Variants in CHD7 observed in about 807,000 individuals in gnomAD.
CHD7 encodes the protein chromodomain helicase DNA binding protein 7, also known as ATP-dependent chromatin remodeler CHD7.
Under a neutral mutation model 307.3 loss-of-function variants are expected in CHD7, and 24 were observed. That is an observed-to-expected ratio of 0.08 (90% confidence interval 0.06 to 0.11). The LOEUF (loss-of-function observed/expected upper bound fraction) is 0.11, where lower values mean the gene tolerates loss of function less well. Among genes scored for constraint, CHD7 ranks in the 10% least tolerant of loss-of-function variants. The pLI is 1.00. For missense variants in CHD7, 3,106 were observed against 3,727.1 expected (o/e 0.83, Z 4.34); for synonymous variants, 1,363 against 1,349.9 (o/e 1.01, Z -0.21).
At chr8:60,691,019 G>A (rs1806167107) in intron 1 of CHD7, among the ~76,000 whole-genome samples, 1 of 152,080 alleles carries the variant, frequency 6.6e-6, no homozygotes, top group Non-Finnish European at 1.5e-5. Flanking sequence ...TCCACCTCCT[G>A]GGTTCAAGCA....
Position 60,742,652 on chromosome 8 carries a change from G to T in CHD7, c.1220G>T (p.Gly407Val), listed in dbSNP as rs767855330. The T allele has an allele frequency of 6.2e-7, 1 of 1,610,720 alleles. No homozygotes were observed. Among genetic ancestry groups the T allele is most frequent in the Non-Finnish European group, 8.5e-7 (1 of 1,177,626 alleles). Residue 407 changes from glycine (G) to valine (V), a missense_variant, in exon 2 of 38, where the codon GGC (glycine) becomes GTC (valine). Physicochemically the swap from Gly to Val is moderately radical, Grantham distance 109. Coordinates refer to ENST00000423902, the MANE Select transcript of CHD7 (RefSeq NM_017780.4). ...SPMKAMSNPA[G>V]TPPPQVRPGS... is the part of the protein sequence containing the mutation. ...ATGAAAGCAATGAGTAATCCAGCAG[G>T]CACTCCTCCTCCACAAGTCAGGCCG...
At position 60,701,448 on chromosome 8, in the gene CHD7, G is replaced by A. The variant is rs564688564; in HGVS notation, c.-175+22366G>A. Among the ~76,000 whole-genome samples, 5 of 152,332 alleles carry A rather than the reference G, an allele frequency of 3.3e-5. No individual in the cohort carries two copies. In the South Asian group the frequency reaches 1.0e-3, roughly 32 times the overall value. On this transcript the variant is annotated intron_variant, in intron 1 of 37. Coordinates refer to ENST00000423902, the MANE Select transcript of CHD7 (RefSeq NM_017780.4). ...TTTTTCTAGCTAGTTATACTTGGAT[G>A]GTTGGTTAGGACAGATGGGATCTGC...
At chr8:60,688,487 C>T (rs1157912272) in intron 1 of CHD7, among the ~76,000 whole-genome samples, 1 of 152,160 alleles carries the variant, frequency 6.6e-6, no homozygotes, top group Non-Finnish European at 1.5e-5. Flanking sequence ...TGGTGACTGG[C>T]TACACAATTT....
chr8:60,852,883 G>A lies in CHD7; in HGVS notation c.6158G>A (p.Arg2053Gln), dbSNP rs1805519118. Residue 2053 changes from arginine to glutamine, a missense_variant, in exon 31 of 38, where the codon CGA (arginine) becomes CAA (glutamine). Around this residue, in one of 10 missense-constraint regions of CHD7, gnomAD observed 1,030 missense variants for 1,165.4 expected, o/e 0.88. Coordinates refer to ENST00000423902, the MANE Select transcript of CHD7 (RefSeq NM_017780.4). ...CCGATCACAGAGGAGCGAGCCTCTC[G>A]AACTCTGTACCGCATTGAGCTGCTA... ...IEPITEERAS[R>Q]TLYRIELLRK... 1 of 1,613,878 alleles carries A rather than the reference G, an allele frequency of 6.2e-7. No homozygotes were observed.
At chr8:60,809,668 G>GAAAA (rs36108691) in intron 7 of CHD7, 2 of 96,338 alleles carry the variant, frequency 2.1e-5, no homozygotes, top group Non-Finnish European at 4.0e-5. Flanking sequence ...AGGGAGTTTT[G>GAAAA]AAAAAAAAAA....
At chr8:60,847,266 C>G (rs866359111) in intron 23 of CHD7, among the ~76,000 whole-genome samples, 1 of 152,082 alleles carries the variant, frequency 6.6e-6, no homozygotes, top group Non-Finnish European at 1.5e-5. Context: ...TCTGGTGAAT[C>G]CTAGTTGTTA....
chr8:60,760,490 A>G (rs1810128819), intron 2 of CHD7, among the ~76,000 whole-genome samples: 1 of 144,546 alleles, frequency 6.9e-6, no homozygotes, highest in African/African-American at 2.6e-5. Flanking sequence ...AAAATTGACA[A>G]ATGGGATCTA....
chr8:60,832,520 A>G (rs1439867738), intron 15 of CHD7, among the ~76,000 whole-genome samples: 1 of 152,200 alleles, frequency 6.6e-6, no homozygotes, highest in Non-Finnish European at 1.5e-5. Flanking sequence ...AGATGAGGAC[A>G]CGTGTGTGCA....
chr8:60,774,352 GGT>G (rs1450456616), intron 2 of CHD7, among the ~76,000 whole-genome samples: 1 of 152,210 alleles, frequency 6.6e-6, no homozygotes, highest in Non-Finnish European at 1.5e-5. Context: ...CTGAAGATGA[GGT>G]ATGTAAAATG....
intron 1 of CHD7, among the ~76,000 whole-genome samples, chr8:60,716,772 G>A (rs10808711): frequency 0.82 from 124,922 of 152,216 alleles, 51,579 homozygotes; most frequent in East Asian, 0.94. Context: ...CAGTGCCTAG[G>A]ACAGTGTTTG....
At chr8:60,855,273 G>A (rs1805649439) in intron 32 of CHD7, 1 of 152,182 alleles carries the variant, frequency 6.6e-6, no homozygotes, top group Non-Finnish European at 1.5e-5. Context: ...TATCCCTTTA[G>A]TTCCCCTGTT....
intron 1 of CHD7, among the ~76,000 whole-genome samples, chr8:60,721,474 G>T: frequency 6.6e-6 from 1 of 152,212 alleles, no homozygotes; most frequent in East Asian, 1.9e-4. Flanking sequence ...AGCCACCCAG[G>T]CTGTAGAGTT....
chr8:60,800,367 T>C (rs766364942), intron 4 of CHD7, 21 bp from the exon 5 acceptor site: 5 of 1,609,572 alleles, frequency 3.1e-6, no homozygotes, highest in Middle Eastern at 1.7e-4. Flanking sequence ...TCAAGGCCAC[T>C]GTCTTGGGTT....
At chr8:60,706,801 TA>T (rs1807041498) in intron 1 of CHD7, among the ~76,000 whole-genome samples, 1 of 152,104 alleles carries the variant, frequency 6.6e-6, no homozygotes, top group African/African-American at 2.4e-5. Context: ...CTTAGTAATC[TA>T]CAAAGATCTT....
intron 15 of CHD7, among the ~76,000 whole-genome samples, chr8:60,834,352 T>C (rs1804654534): frequency 6.6e-6 from 1 of 152,138 alleles, no homozygotes; most frequent in Non-Finnish European, 1.5e-5. Context: ...GTCATAAGAG[T>C]AAAACTTATT....
intron 15 of CHD7, among the ~76,000 whole-genome samples, chr8:60,831,954 T>C (rs1344602603): frequency 6.6e-6 from 1 of 152,184 alleles, no homozygotes; most frequent in Admixed American, 6.5e-5. Context: ...AAGATAGTCT[T>C]AGAGTGTTGC....
At chr8:60,807,557 T>G (rs1359080910) in intron 6 of CHD7, among the ~76,000 whole-genome samples, 1 of 152,246 alleles carries the variant, frequency 6.6e-6, no homozygotes, top group Non-Finnish European at 1.5e-5. Context: ...GTATCACAAT[T>G]TTAACCTTAC....
At chr8:60,834,185 TTAAC>T (rs1434284175) in intron 15 of CHD7, among the ~76,000 whole-genome samples, 5 of 152,226 alleles carry the variant, frequency 3.3e-5, no homozygotes, top group African/African-American at 1.2e-4. Flanking sequence ...TTAAAAAAAT[TTAAC>T]TGAAACCCAA....
rs1805129683 is a variant in CHD7, at chr8:60,844,722, C to A, written c.4851-142C>A. The A allele has an allele frequency of 1.1e-5, 7 of 640,164 alleles. No individual in the cohort carries two copies. In the East Asian group the frequency reaches 1.7e-4, roughly 15 times the overall value. 39.7% of individuals were successfully genotyped at this position (640,164 alleles called of 1,614,324 possible). A position where few individuals can be genotyped will look rare whatever the true frequency, so the allele number is the denominator to read the frequency against. On this transcript the variant is annotated intron_variant, in intron 21 of 37. Coordinates refer to ENST00000423902, the MANE Select transcript of CHD7 (RefSeq NM_017780.4). ...TATAAAGGAGTGTTTTTAACTCTTG[C>A]ACCCTGGATTTCTTTCCTATCACCC...
Sources: gnomAD v4.1 joint callset for allele counts (sites outside exome capture counted in the v4.1 genomes callset) on GRCh38, gnomAD v4.1.1 for gene constraint, gnomAD v4.1.1 regional missense constraint, MANE v1.5 for transcripts, NCBI Gene and HGNC (gene_info 2026-07-23, HGNC 2026-07-21) for gene names.